VPS13A: variants seen among roughly 807,000 people sequenced by gnomAD.
VPS13A encodes vacuolar protein sorting 13 homolog A.
A neutral mutation model predicts 390.9 loss-of-function variants in VPS13A; 264 were observed. The ratio of observed to expected loss-of-function variants is 0.68; its 90% CI spans 0.61 to 0.75. The LOEUF is 0.75. VPS13A is among the 30% of genes least tolerant of loss of function. VPS13A has a pLI of 0.00. For synonymous variants in VPS13A, 1,231 were observed against 1,227.1 expected (o/e 1.00, Z -0.07); for missense variants, 3,409 against 3,733.9 (o/e 0.91, Z 2.27).
chr9:77,258,614 C>T (rs989621409), intron 22 of VPS13A, among the ~76,000 whole-genome samples: 1 of 152,032 alleles, frequency 6.6e-6, no homozygotes, highest in Non-Finnish European at 1.5e-5. Flanking sequence ...CCATGCTACG[C>T]ATTCCCTTGT....
rs757341518 is a variant in VPS13A at position 77,228,261 on chromosome 9, TAAAG to T, written c.1593_1595+1del. 1 of 1,588,978 alleles carries T rather than the reference TAAAG, an allele frequency of 6.3e-7. No homozygotes were observed. Among genetic ancestry groups the T allele is most frequent in the African/African-American group, 1.3e-5 (1 of 74,156 alleles). ...GTGCAAAGACCAGGAGCACAAGCAA[TAAAG>T]TAAGTATTAATTTATCTTTTTTTAT... On this transcript the variant is annotated splice_donor_variant and coding_sequence_variant, in exon 17 of 72. Transcript: ENST00000360280. LOFTEE classifies it high-confidence loss of function.
intron 22 of VPS13A, among the ~76,000 whole-genome samples, chr9:77,255,150 T>C (rs965036196): frequency 3.3e-5 from 5 of 152,144 alleles, no homozygotes; most frequent in East Asian, 3.9e-4. Flanking sequence ...ACCTTTATTA[T>C]GTTGAGGTAG....
intron 1 of VPS13A, among the ~76,000 whole-genome samples, chr9:77,179,686 C>A (rs1823885753): frequency 7.1e-6 from 1 of 141,144 alleles, no homozygotes; most frequent in Admixed American, 7.0e-5. Context: ...TTGGGTTGTA[C>A]GTTTTTTTTT....
At chr9:77,272,049 TA>T (rs113901504) in intron 23 of VPS13A, among the ~76,000 whole-genome samples, 30,513 of 151,758 alleles carry the variant, frequency 0.2, 3,240 homozygotes, top group Middle Eastern at 0.26. Flanking sequence ...ATAATGTGCT[TA>T]AAAAAAATGC....
intron 19 of VPS13A, among the ~76,000 whole-genome samples, chr9:77,240,015 C>CTT (rs575859683): frequency 6.6e-6 from 1 of 150,578 alleles, no homozygotes; most frequent in Non-Finnish European, 1.5e-5. Flanking sequence ...CTTAAAAATA[C>CTT]TTTATTGTAC....
intron 58 of VPS13A, among the ~76,000 whole-genome samples, chr9:77,359,791 C>T (rs759882884): frequency 2.0e-5 from 3 of 147,482 alleles, no homozygotes; most frequent in Non-Finnish European, 3.0e-5. Flanking sequence ...GCACTCCAGC[C>T]TGGGTGACAG....
Position 77,371,323 on chromosome 9 carries a change from C to T in VPS13A, c.9077+174C>T, listed in dbSNP as rs771726189. Reference sequence around the variant, plus strand: ...TAATGAACAGAAATTTATTGGCTCACGGTTCTGAAAGTTAAGAAGTCCAAG... The same window carrying T: ...TAATGAACAGAAATTTATTGGCTCATGGTTCTGAAAGTTAAGAAGTCCAAG... On this transcript the variant is annotated intron_variant, in intron 67 of 71. Coordinates refer to ENST00000360280, the MANE Select transcript of VPS13A (RefSeq NM_033305.3). Among the ~76,000 whole-genome samples, 8 of 152,252 alleles carry T rather than the reference C, an allele frequency of 5.3e-5. No homozygotes were observed. In the East Asian group the frequency reaches 1.2e-3, roughly 22 times the overall value.
intron 23 of VPS13A, among the ~76,000 whole-genome samples, chr9:77,265,786 T>C (rs1199643761): frequency 2.0e-5 from 3 of 152,194 alleles, no homozygotes; most frequent in African/African-American, 7.2e-5. Context: ...TTCGTGTCTC[T>C]ATCTCCTTCA....
chr9:77,252,020 T>G lies in VPS13A; in HGVS notation c.2171-215T>G, dbSNP rs17337804. Among the ~76,000 whole-genome samples the G allele has an allele frequency of 7.7e-3, 1,180 of 152,276 alleles. 6 individuals carry two copies. The highest frequency in any genetic ancestry group is 0.017 in the South Asian group (84 of 4,822). The stretch of plus-strand genomic sequence containing the variant: ...TTGCTTTACTGCCATGTTACTTTTT[T>G]GGGTAAGGTATGTGGTTGGTGTAGT... On this transcript the variant is annotated intron_variant, in intron 21 of 71. Transcript: ENST00000360280.
intron 32 of VPS13A, among the ~76,000 whole-genome samples, chr9:77,294,990 C>CA (rs1827896481): frequency 6.6e-6 from 1 of 151,240 alleles, no homozygotes; most frequent in Non-Finnish European, 1.5e-5. Flanking sequence ...TTTTTATAAC[C>CA]AAAAAAATCA....
chr9:77,308,163 C>T, intron 35 of VPS13A, 65 bp downstream of exon 35: 1 of 1,526,750 alleles, frequency 6.5e-7, no homozygotes, highest in Non-Finnish European at 9.1e-7. Context: ...CTATCTTCTT[C>T]CCTCCCCTTC....
chr9:77,285,764 CTTTAT>C (rs1012355508), intron 31 of VPS13A, among the ~76,000 whole-genome samples: 3 of 152,158 alleles, frequency 2.0e-5, no homozygotes, highest in Non-Finnish European at 4.4e-5. Context: ...CTGGGATTCA[CTTTAT>C]TTTATTTTCC....
At chr9:77,411,296 G>T (rs889063506) in intron 71 of VPS13A, among the ~76,000 whole-genome samples, 1 of 152,108 alleles carries the variant, frequency 6.6e-6, no homozygotes, top group Non-Finnish European at 1.5e-5. Flanking sequence ...GCAGTGTGTA[G>T]AGGGAAATTT....
rs758623828 is a variant in VPS13A at position 77,177,701 on chromosome 9, G to T, written c.-4G>T. 3 of 1,613,124 alleles carry T rather than the reference G, an allele frequency of 1.9e-6. No individual in the cohort carries two copies. The African/African-American group carries it at 4.0e-5, about 22-fold the overall frequency. ...GGCTGCCGTGCCCACCACGGCTGAG[G>T]AACATGGTTTTCGAGTCGGTGGTCG... On this transcript the variant is annotated 5_prime_UTR_variant, in exon 1 of 72. Transcript: ENST00000360280.
chr9:77,206,087 A>T lies in VPS13A; in HGVS notation c.385+8A>T, dbSNP rs759460937. 1 of 1,515,962 alleles carries T rather than the reference A, an allele frequency of 6.6e-7. No homozygotes were observed. The allele number at this position is 1,515,962 out of a possible 1,614,324, so 93.9% of individuals were successfully genotyped here. ...AAAAAGTAGTTGATCAAGGTAAAGA[A>T]AACAGTAAATAACAATGCTAATAAG... On this transcript the variant is annotated splice_region_variant and intron_variant, in intron 5 of 71. Coordinates refer to ENST00000360280, the MANE Select transcript of VPS13A (RefSeq NM_033305.3).
At chr9:77,265,671 G>A (rs1244979265) in intron 23 of VPS13A, among the ~76,000 whole-genome samples, 1 of 151,988 alleles carries the variant, frequency 6.6e-6, no homozygotes, top group African/African-American at 2.4e-5. Flanking sequence ...TATTGTGTCT[G>A]TTTGATTCTT....
chr9:77,183,218 G>C (rs145970800), intron 1 of VPS13A, among the ~76,000 whole-genome samples: 1 of 152,052 alleles, frequency 6.6e-6, no homozygotes, highest in Non-Finnish European at 1.5e-5. Context: ...CTTTATTGAC[G>C]TATAATTAAC....
chr9:77,302,307 T>C (rs968948793), intron 33 of VPS13A, among the ~76,000 whole-genome samples: 1 of 151,692 alleles, frequency 6.6e-6, no homozygotes, highest in East Asian at 1.9e-4. Flanking sequence ...ACTTACAACT[T>C]ATATACTTTT....
chr9:77,370,775 T>C, intron 65 of VPS13A, 115 bp from the exon 66 acceptor site: 2 of 1,463,846 alleles, frequency 1.4e-6, no homozygotes, highest in Non-Finnish European at 1.9e-6. Flanking sequence ...AGGAGATCTG[T>C]TAATTCTTAT....
Sources: allele counts gnomAD v4.1 joint callset (sites outside exome capture counted in the v4.1 genomes callset), GRCh38; gene constraint gnomAD v4.1.1; transcripts MANE v1.5; gene names NCBI Gene and HGNC (gene_info 2026-07-23, HGNC 2026-07-21).